The following GABRG3 variants were observed in gnomAD, a reference collection of about 807,000 sequenced individuals.
GABRG3 encodes the protein gamma-aminobutyric acid receptor subunit gamma-3.
GABRG3 carries 25 observed loss-of-function variants against 48.8 expected under a neutral mutation model. The observed-to-expected ratio is 0.51, with a 90% CI of 0.37 to 0.72. The LOEUF (loss-of-function observed/expected upper bound fraction) is 0.72. Ranked by LOEUF, GABRG3 falls within the 30% of genes least tolerant of loss-of-function variation. GABRG3 has a pLI of 0.00. For synonymous variants in GABRG3, 227 were observed against 217.6 expected (o/e 1.04, Z -0.38); for missense variants, 394 against 577.9 (o/e 0.68, Z 3.26).
intron 5 of GABRG3, among the ~76,000 whole-genome samples, chr15:27,467,846 T>C (rs1158478925): frequency 6.6e-6 from 1 of 152,238 alleles, no homozygotes; most frequent in East Asian, 1.9e-4. Context: ...GCAGTTTCAC[T>C]TACCTTCAGT....
chr15:27,500,952 G>GGT (rs770572303), intron 6 of GABRG3, among the ~76,000 whole-genome samples: 4 of 122,190 alleles, frequency 3.3e-5, no homozygotes, highest in African/African-American at 1.3e-4. Flanking sequence ...AGTAACGTAT[G>GGT]TTTTTTTTTT....
At chr15:27,096,477 C>T (rs1283971915) in intron 3 of GABRG3, among the ~76,000 whole-genome samples, 2 of 152,180 alleles carry the variant, frequency 1.3e-5, no homozygotes, top group African/African-American at 2.4e-5. Context: ...ACTTTGAAGC[C>T]AGGGCTGCTG....
intron 5 of GABRG3, among the ~76,000 whole-genome samples, chr15:27,436,018 A>G (rs772587608): frequency 6.6e-6 from 1 of 152,220 alleles, no homozygotes; most frequent in African/African-American, 2.4e-5. Context: ...AAGCAGTGAC[A>G]AGATTCAATA....
At chr15:27,404,764 G>T (rs1431548374) in intron 5 of GABRG3, among the ~76,000 whole-genome samples, 1 of 152,160 alleles carries the variant, frequency 6.6e-6, no homozygotes, top group Non-Finnish European at 1.5e-5. Flanking sequence ...TGAGACCACT[G>T]CCCAGCAAAG....
At chr15:27,155,030 G>C (rs1473465540) in intron 3 of GABRG3, among the ~76,000 whole-genome samples, 1 of 151,452 alleles carries the variant, frequency 6.6e-6, no homozygotes, top group African/African-American at 2.4e-5. Context: ...ACAAATACTA[G>C]ATCTTTTGTC....
intron 2 of GABRG3, among the ~76,000 whole-genome samples, chr15:26,999,180 C>G (rs1198028146): frequency 2.7e-5 from 4 of 148,030 alleles, no homozygotes; most frequent in Admixed American, 2.7e-4. Flanking sequence ...AAAAATAATA[C>G]AAACAAAAAA....
chr15:27,440,857 T>C (rs183428224), intron 5 of GABRG3, among the ~76,000 whole-genome samples: 3 of 152,284 alleles, frequency 2.0e-5, no homozygotes, highest in East Asian at 3.9e-4. Context: ...TGTCCTACAA[T>C]GGAAGTTAAG....
intron 3 of GABRG3, among the ~76,000 whole-genome samples, chr15:27,202,344 G>GT (rs1472584217): frequency 2.0e-5 from 3 of 151,918 alleles, no homozygotes; most frequent in African/African-American, 7.3e-5. Context: ...TTCATTATTT[G>GT]TAATGGCTAC....
In GABRG3 at chr15:27,541,226, T is replaced by C. The variant is rs1595820747; in HGVS notation, c.*8345T>C. ...GGCGACTCCTTGATCATTCGTGCAT[T>C]CTGGTCAAGTTGACCCGATAAGCCA... On this transcript the variant is annotated 3_prime_UTR_variant, in exon 10 of 10. Transcript: ENST00000615808. 6.6e-6 allele frequency: 1 copy of C among 152,336 alleles called. No homozygotes were observed. The highest frequency in any genetic ancestry group is 1.9e-4 in the East Asian group (1 of 5,150). 9.4% of individuals were successfully genotyped at this position (152,336 alleles called of 1,614,324 possible). A position where few individuals can be genotyped will look rare whatever the true frequency, so the allele number is the denominator to read the frequency against.
intron 5 of GABRG3, among the ~76,000 whole-genome samples, chr15:27,336,068 A>C (rs1893952920): frequency 6.6e-6 from 1 of 152,100 alleles, no homozygotes; most frequent in African/African-American, 2.4e-5. Context: ...GCATGCCTGT[A>C]ATCCCAGCTA....
intron 5 of GABRG3, among the ~76,000 whole-genome samples, chr15:27,341,699 A>G (rs950357536): frequency 7.9e-5 from 12 of 152,086 alleles, no homozygotes; most frequent in Non-Finnish European, 1.6e-4. Flanking sequence ...GGATCAATAT[A>G]TCACGCGCCA....
chr15:27,110,275 A>G (rs1205402742), intron 3 of GABRG3, among the ~76,000 whole-genome samples: 1 of 152,200 alleles, frequency 6.6e-6, no homozygotes, highest in Non-Finnish European at 1.5e-5. Flanking sequence ...CACCATGTAT[A>G]AACCAGGTAC....
intron 5 of GABRG3, chr15:27,364,050 G>C (rs1018289886): frequency 2.0e-5 from 3 of 152,136 alleles, no homozygotes; most frequent in Admixed American, 6.5e-5. Context: ...AAAAAATGGT[G>C]GGTTTGTGAC....
chr15:27,300,250 T>C (rs560511148), intron 3 of GABRG3, among the ~76,000 whole-genome samples: 1 of 152,132 alleles, frequency 6.6e-6, no homozygotes, highest in African/African-American at 2.4e-5. Context: ...AATCCAAAAT[T>C]ACTTGGCATA....
intron 5 of GABRG3, among the ~76,000 whole-genome samples, chr15:27,469,379 C>T (rs1030367714): frequency 3.3e-5 from 5 of 152,090 alleles, no homozygotes; most frequent in Non-Finnish European, 7.4e-5. Flanking sequence ...CTTGCTCTGT[C>T]GCACAGGCTA....
intron 5 of GABRG3, among the ~76,000 whole-genome samples, chr15:27,479,752 A>G (rs984375518): frequency 8.5e-5 from 13 of 152,222 alleles, no homozygotes; most frequent in African/African-American, 2.9e-4. Flanking sequence ...TGCCAATGAC[A>G]TAAGGCCTAG....
At chr15:27,405,867 G>A (rs888892547) in intron 5 of GABRG3, among the ~76,000 whole-genome samples, 2 of 151,702 alleles carry the variant, frequency 1.3e-5, no homozygotes, top group Non-Finnish European at 2.9e-5. Flanking sequence ...GGGAATATAG[G>A]GAAAATAGAG....
chr15:27,522,441 A>T (rs191741600), intron 7 of GABRG3, among the ~76,000 whole-genome samples: 6 of 152,008 alleles, frequency 3.9e-5, no homozygotes, highest in Non-Finnish European at 8.9e-5. Context: ...GAAGTTTAAA[A>T]AAAACTAGTT....
chr15:27,290,745 T>C (rs1322613667), intron 3 of GABRG3, among the ~76,000 whole-genome samples: 1 of 152,206 alleles, frequency 6.6e-6, no homozygotes, highest in African/African-American at 2.4e-5. Flanking sequence ...AAATGTGATC[T>C]GGTGTCCTGG....
Sources: allele counts gnomAD v4.1 joint callset (sites outside exome capture counted in the v4.1 genomes callset), GRCh38; gene constraint gnomAD v4.1.1; transcripts MANE v1.5; gene names NCBI Gene and HGNC (gene_info 2026-07-23, HGNC 2026-07-21).